CCT7: variants seen among roughly 807,000 people sequenced by gnomAD.
The protein encoded by CCT7 is T-complex protein 1 subunit eta.
In CCT7, 16 loss-of-function variants were observed where a neutral mutation model predicts 56.6. The observed-to-expected ratio is 0.28, with a 90% CI of 0.19 to 0.43. The LOEUF is 0.43. Ranked by LOEUF, CCT7 falls within the 20% of genes least tolerant of loss-of-function variation. CCT7 has a pLI of 1.00. For synonymous variants in CCT7, 262 were observed against 254.8 expected (o/e 1.03, Z -0.27); for missense variants, 519 against 685.6 (o/e 0.76, Z 2.71).
chr2:73,249,719 T>C, intron 8 of CCT7, 100 bp from the exon 9 acceptor site: 1 of 798,004 alleles, frequency 1.3e-6, no homozygotes. Flanking sequence ...ATGTAGAGGC[T>C]CTGGGGGCAT....
At chr2:73,236,216 GC>G (rs150342178) in intron 1 of CCT7, among the ~76,000 whole-genome samples, 7 of 152,356 alleles carry the variant, frequency 4.6e-5, no homozygotes, top group African/African-American at 1.7e-4. Context: ...TGTTTTGTAA[GC>G]CATTAAGCTT....
chr2:73,242,132 T>C (rs1022040696), intron 3 of CCT7, among the ~76,000 whole-genome samples: 1 of 151,502 alleles, frequency 6.6e-6, no homozygotes, highest in South Asian at 2.1e-4. Flanking sequence ...TTTTTTTTTT[T>C]AACTCCTGGC....
At chr2:73,238,538 G>A (rs186620832) in intron 1 of CCT7, among the ~76,000 whole-genome samples, 21 of 152,332 alleles carry the variant, frequency 1.4e-4, no homozygotes, top group Non-Finnish European at 1.8e-4. Context: ...AGACATCCAC[G>A]TACCTCTAAG....
chr2:73,239,720 C>T lies in CCT7; in HGVS notation c.84C>T (p.Ala28=). 1 of 1,613,932 alleles carries T rather than the reference C, an allele frequency of 6.2e-7. No individual in the cohort carries two copies. Among genetic ancestry groups the T allele is most frequent in the Admixed American group, 1.7e-5 (1 of 60,022 alleles). Residue 28 remains alanine (A), a synonymous_variant, in exon 2 of 12, where the codon GCC becomes GCT. Coordinates refer to ENST00000258091, the MANE Select transcript of CCT7 (RefSeq NM_006429.4). ...GIPQLVSNIS[A]CQVIAEAVRT... ...CCCAGCTTGTGAGTAACATCAGTGC[C>T]TGCCAGGTGATTGCTGAGGCTGTAA...
rs540052544 is a variant in CCT7 at position 73,234,799 on chromosome 2, T to G, written c.6+415T>G. Reference sequence around the variant, plus strand: ...TTTGCGGGCTGTAAAGACGTGTGCTTCTTGGAACCGGCACAGGCACATTGG... The same window carrying G: ...TTTGCGGGCTGTAAAGACGTGTGCTGCTTGGAACCGGCACAGGCACATTGG... On this transcript the variant is annotated intron_variant, in intron 1 of 11. Coordinates refer to ENST00000258091, the MANE Select transcript of CCT7 (RefSeq NM_006429.4). Among the ~76,000 whole-genome samples, 4 of 152,320 alleles carry G rather than the reference T, an allele frequency of 2.6e-5. No individual in the cohort carries two copies. In the South Asian group the frequency reaches 8.3e-4, roughly 32 times the overall value.
intron 8 of CCT7, 23 bp from the exon 9 acceptor site, chr2:73,249,796 A>T (rs1687493836): frequency 6.4e-7 from 1 of 1,567,562 alleles, no homozygotes; most frequent in Non-Finnish European, 8.8e-7. Flanking sequence ...TCACTGCTAG[A>T]TCTTGCCTTC....
intron 4 of CCT7, chr2:73,243,793 C>A: frequency 1.7e-6 from 1 of 592,940 alleles, no homozygotes; most frequent in Admixed American, 3.0e-5. Context: ...TATACCCACT[C>A]TGCATTTCTG....
chr2:73,242,994 C>G lies in CCT7; in HGVS notation c.268-10C>G. ...TCAGAAAACGTGTATTTCCTGTCAT[C>G]ATCTTCCAGGTGGGTGATGGCACCA... On this transcript the variant is annotated splice_polypyrimidine_tract_variant and intron_variant, in intron 3 of 11. Coordinates refer to ENST00000258091, the MANE Select transcript of CCT7 (RefSeq NM_006429.4). 6.2e-7 allele frequency: 1 copy of G among 1,613,714 alleles called. No individual in the cohort carries two copies. Among genetic ancestry groups the G allele is most frequent in the Non-Finnish European group, 8.5e-7 (1 of 1,179,874 alleles).
chr2:73,234,470 C>G, intron 1 of CCT7, 86 bp downstream of exon 1: 1 of 1,475,076 alleles, frequency 6.8e-7, no homozygotes, highest in Non-Finnish European at 9.4e-7. Flanking sequence ...CTCTGTAGGA[C>G]CCTCTTTTGC....
In CCT7 at chr2:73,249,186, A is replaced by G. The variant is rs1222914456; in HGVS notation, c.972+7A>G. ...TCTGAAGAGGACAATGATGGTAACC[A>G]GATTTTCACAGGCTGCTTCTCGGCC... On this transcript the variant is annotated splice_region_variant and intron_variant, in intron 8 of 11. Transcript: ENST00000258091. 1 of 1,590,626 alleles carries G rather than the reference A, an allele frequency of 6.3e-7. No individual in the cohort carries two copies. Among genetic ancestry groups the G allele is most frequent in the African/African-American group, 1.3e-5 (1 of 74,486 alleles).
intron 8 of CCT7, 124 bp downstream of exon 8, chr2:73,249,303 A>C: frequency 4.4e-6 from 3 of 687,792 alleles, no homozygotes; most frequent in South Asian, 2.5e-5. Context: ...TTTTTTTTTA[A>C]CTCTTTTTTT....
chr2:73,241,033 CT>C (rs35842378), intron 3 of CCT7, among the ~76,000 whole-genome samples: 8,792 of 127,334 alleles, frequency 0.069, 351 homozygotes, highest in East Asian at 0.2. Context: ...CTACACCAGG[CT>C]TTTTTTTTTT....
intron 3 of CCT7, 69 bp downstream of exon 3, chr2:73,240,612 A>G (rs1451716221): frequency 1.1e-6 from 1 of 870,534 alleles, no homozygotes; most frequent in African/African-American, 1.7e-5. Context: ...GTTCTCCTCT[A>G]TTAAATTTTT....
intron 1 of CCT7, among the ~76,000 whole-genome samples, chr2:73,234,922 T>A (rs1187010943): frequency 6.6e-6 from 1 of 152,208 alleles, no homozygotes; most frequent in Non-Finnish European, 1.5e-5. Flanking sequence ...GTACTTTTAA[T>A]TCATTCACTC....
Position 73,244,580 on chromosome 2 carries a change from C to T in CCT7, c.483C>T (p.Thr161=), listed in dbSNP as rs373356025. The T allele has an allele frequency of 4.5e-5, 72 of 1,613,306 alleles. 1 individual carries two copies. Among genetic ancestry groups the T allele is most frequent in the African/African-American group, 1.3e-4 (10 of 74,904 alleles). The change falls in exon 6 of 12, where the codon ACC becomes ACT. Residue 161 remains threonine, a synonymous_variant. Transcript: ENST00000258091. The stretch of plus-strand genomic sequence containing the variant: ...AGCTGCTGGAAAAGTGTGCCATGAC[C>T]GCTCTGAGCTCCAAGCTGATCTCCC... ...QRKLLEKCAM[T]ALSSKLISQQ...
At position 73,250,288 on chromosome 2, in the gene CCT7, G is replaced by A; in HGVS notation, c.1071-18G>A. 6.2e-7 allele frequency: 1 copy of A among 1,614,062 alleles called. No homozygotes were observed. The highest frequency in any genetic ancestry group is 8.5e-7 in the Non-Finnish European group (1 of 1,179,974). On this transcript the variant is annotated intron_variant, in intron 9 of 11. Transcript: ENST00000258091. ...GCAGACAAGAGTTCATGTGTGTACT[G>A]TTTAATCCTGGGCATAGGTACAATT...
rs763611879 is a variant in CCT7, at chr2:73,244,011, C to G, written c.408C>G (p.Ile136Met). The G allele has an allele frequency of 3.0e-5, 49 of 1,611,478 alleles. No homozygotes were observed. Among genetic ancestry groups the G allele is most frequent in the Admixed American group, 1.7e-4 (10 of 59,874 alleles). ...GTTCTTGGCAGGCAGTTAACAAGAT[C>G]AAAGAGATTGCTGTGACCGTGAAGA... is the stretch of plus-strand genomic sequence containing the variant. ...RTATQLAVNKIKEIAVTVKKA... is the reference protein window; with the variant it reads ...RTATQLAVNKMKEIAVTVKKA... The change falls in exon 5 of 12, where the codon ATC becomes ATG. Residue 136 changes from isoleucine to methionine, a missense_variant. Ile to Met is a conservative substitution (Grantham distance 10). This residue lies in a region of CCT7 where 276 missense variants were observed against 357.3 expected (regional missense o/e 0.77). Coordinates refer to ENST00000258091, the MANE Select transcript of CCT7 (RefSeq NM_006429.4).
intron 6 of CCT7, among the ~76,000 whole-genome samples, chr2:73,244,989 G>C (rs1397984568): frequency 6.6e-6 from 1 of 152,188 alleles, no homozygotes; most frequent in Non-Finnish European, 1.5e-5. Context: ...TGGAGGGGTA[G>C]TAGGACTAGC....
At chr2:73,237,399 A>G (rs1030450101) in intron 1 of CCT7, among the ~76,000 whole-genome samples, 4 of 152,192 alleles carry the variant, frequency 2.6e-5, no homozygotes, top group African/African-American at 9.7e-5. Context: ...GGTGATAGGA[A>G]GTGATTGAGA....
Sources: gnomAD v4.1 joint callset for allele counts (sites outside exome capture counted in the v4.1 genomes callset) on GRCh38, gnomAD v4.1.1 for gene constraint, gnomAD v4.1.1 regional missense constraint, MANE v1.5 for transcripts, NCBI Gene and HGNC (gene_info 2026-07-23, HGNC 2026-07-21) for gene names.